The following STK31 variants were observed in gnomAD, a reference collection of about 807,000 sequenced individuals.
The protein encoded by STK31 is serine/threonine-protein kinase 31.
STK31 carries 89 observed loss-of-function variants against 129.7 expected under a neutral mutation model. That is an observed-to-expected ratio of 0.69 (90% CI 0.58 to 0.82). The LOEUF (loss-of-function observed/expected upper bound fraction) is 0.82, where lower values mean the gene tolerates loss of function less well. Among genes scored for constraint, STK31 ranks in the 40% least tolerant of loss-of-function variants. The pLI, the probability that STK31 is intolerant of heterozygous loss-of-function variation, is 0.00. For missense variants in STK31, 1,187 were observed against 1,176.4 expected (o/e 1.01, Z -0.13); for synonymous variants, 448 against 395.3 (o/e 1.13, Z -1.58).
At chr7:23,732,972 G>A (rs1001090176) in intron 6 of STK31, among the ~76,000 whole-genome samples, 1 of 152,236 alleles carries the variant, frequency 6.6e-6, no homozygotes, top group Admixed American at 6.5e-5. Flanking sequence ...TTTTGAGGTT[G>A]TTAGCTTTGC....
At chr7:23,784,314 A>G (rs1414814872) in intron 17 of STK31, among the ~76,000 whole-genome samples, 4 of 152,188 alleles carry the variant, frequency 2.6e-5, no homozygotes, top group African/African-American at 9.6e-5. Context: ...AATATGGTAC[A>G]GAGAGGGATA....
chr7:23,815,029 T>A (rs1203659907), intron 22 of STK31, 115 bp from the exon 23 acceptor site: 1 of 685,150 alleles, frequency 1.5e-6, no homozygotes, highest in Non-Finnish European at 2.3e-6. Flanking sequence ...GTTAATGTGC[T>A]TTCTTTAAGT....
At chr7:23,804,382 T>A (rs923577328) in intron 22 of STK31, among the ~76,000 whole-genome samples, 1 of 152,224 alleles carries the variant, frequency 6.6e-6, no homozygotes, top group Admixed American at 6.5e-5. Context: ...CTATCTTGTT[T>A]GCCACTATAT....
At chr7:23,771,187 A>G in intron 14 of STK31, 63 bp downstream of exon 14, 1 of 1,442,710 alleles carries the variant, frequency 6.9e-7, no homozygotes, top group South Asian at 1.6e-5. Context: ...CAGTACTTAA[A>G]TTTTTCTATT....
At chr7:23,793,607 C>T (rs1156860343) in intron 22 of STK31, among the ~76,000 whole-genome samples, 2 of 152,150 alleles carry the variant, frequency 1.3e-5, no homozygotes, top group African/African-American at 4.8e-5. Context: ...AGAAGGTGTC[C>T]ACATGGCATG....
At chr7:23,730,064 G>A (rs1787310778) in intron 6 of STK31, among the ~76,000 whole-genome samples, 1 of 152,076 alleles carries the variant, frequency 6.6e-6, no homozygotes, top group African/African-American at 2.4e-5. Context: ...TGAATTTTGG[G>A]TTGGTAACCT....
At chr7:23,738,659 C>T (rs1334586662) in intron 8 of STK31, among the ~76,000 whole-genome samples, 1 of 151,976 alleles carries the variant, frequency 6.6e-6, no homozygotes, top group Admixed American at 6.6e-5. Context: ...CAGGTTCAAG[C>T]GATTCTCCTG....
In STK31 at chr7:23,769,026, G is replaced by A. The variant is rs1232229930; in HGVS notation, c.1448G>A (p.Gly483Glu). ...DLSVSLEAVY[G>E]QAKEGANSDE... is the part of the protein sequence containing the mutation. ...TCAGTCTCTTTAGAAGCAGTGTATG[G>A]ACAAGCCAAAGAAGGAGCAAATTCT... is the stretch of plus-strand genomic sequence containing the variant. The change falls in exon 12 of 24, where the codon GGA (glycine) becomes GAA (glutamate). Residue 483 changes from glycine to glutamate, a missense_variant. Physicochemically the swap from Gly to Glu is moderately conservative, Grantham distance 98 (BLOSUM62 -2). Coordinates refer to ENST00000355870, the MANE Select transcript of STK31 (RefSeq NM_031414.5). 1.9e-6 allele frequency: 3 copies of A among 1,611,580 alleles called. No individual in the cohort carries two copies. The African/African-American group carries it at 4.0e-5, about 22-fold the overall frequency.
chr7:23,743,573 T>G (rs1316928408), intron 8 of STK31, among the ~76,000 whole-genome samples: 1 of 152,222 alleles, frequency 6.6e-6, no homozygotes, highest in Non-Finnish European at 1.5e-5. Context: ...TATCTTTGTC[T>G]TTGACTTTTG....
intron 5 of STK31, among the ~76,000 whole-genome samples, chr7:23,728,010 A>AATG (rs1324192358): frequency 5.3e-5 from 8 of 150,612 alleles, no homozygotes; most frequent in Non-Finnish European, 1.2e-4. Flanking sequence ...TGTTAATAAT[A>AATG]ATGATTGGCT....
At chr7:23,717,043 C>T (rs545402476) in intron 3 of STK31, among the ~76,000 whole-genome samples, 26 of 150,162 alleles carry the variant, frequency 1.7e-4, no homozygotes, top group African/African-American at 5.6e-4. Context: ...AAATGATCCT[C>T]CCACCTCGGC....
At position 23,757,820 on chromosome 7, in the gene STK31, T is replaced by G. The variant is rs1789192885; in HGVS notation, c.1293+3346T>G. Among the ~76,000 whole-genome samples the G allele has an allele frequency of 2.6e-5, 4 of 152,210 alleles. No homozygotes were observed. In the South Asian group the frequency reaches 8.3e-4, roughly 32 times the overall value. On this transcript the variant is annotated intron_variant, in intron 10 of 23. Coordinates refer to ENST00000355870, the MANE Select transcript of STK31 (RefSeq NM_031414.5). ...CTTCCCACGAAGCCGTATTTCAGAC[T>G]GTCACATGGGGAGAAACCTTGGACA...
At chr7:23,715,440 A>T (rs1189096869) in intron 3 of STK31, among the ~76,000 whole-genome samples, 1 of 132,066 alleles carries the variant, frequency 7.6e-6, no homozygotes, top group Non-Finnish European at 1.6e-5. Flanking sequence ...CAACAGTAAG[A>T]CCTTGTCGCT....
intron 8 of STK31, among the ~76,000 whole-genome samples, chr7:23,737,404 C>G (rs1367360942): frequency 6.6e-6 from 1 of 152,138 alleles, no homozygotes; most frequent in African/African-American, 2.4e-5. Context: ...CCAGTTTATA[C>G]AATTATAACA....
chr7:23,825,262 G>C (rs950732848), intron 23 of STK31, among the ~76,000 whole-genome samples: 48 of 152,234 alleles, frequency 3.2e-4, no homozygotes, highest in African/African-American at 1.0e-3. Context: ...GTTAATTATT[G>C]CCTCAATTTC....
At chr7:23,823,456 C>A (rs529511392) in intron 23 of STK31, among the ~76,000 whole-genome samples, 1 of 151,950 alleles carries the variant, frequency 6.6e-6, no homozygotes, top group East Asian at 1.9e-4. Flanking sequence ...TTGTTTTTTT[C>A]TTGTAAATTT....
intron 7 of STK31, among the ~76,000 whole-genome samples, chr7:23,736,580 A>C (rs1787729354): frequency 3.7e-5 from 2 of 54,218 alleles, no homozygotes; most frequent in East Asian, 5.5e-4. Context: ...GGACGGGGGG[A>C]TCACGGGGGG....
intron 22 of STK31, among the ~76,000 whole-genome samples, chr7:23,807,579 T>C (rs1293562538): frequency 1.3e-5 from 2 of 152,214 alleles, no homozygotes; most frequent in Non-Finnish European, 2.9e-5. Context: ...TGTGGGCTTA[T>C]GTTTTTCAAC....
rs185558192 is a variant in STK31, at chr7:23,805,012, A to C, written c.2761-10132A>C. On this transcript the variant is annotated intron_variant, in intron 22 of 23. Coordinates refer to ENST00000355870, the MANE Select transcript of STK31 (RefSeq NM_031414.5). ...TCTTCTGTTTAGTCTTTTTGGAAAAAACTCAATTTTAGATAAGCTATGGCC... is the reference window on the plus strand; with the variant it reads ...TCTTCTGTTTAGTCTTTTTGGAAAACACTCAATTTTAGATAAGCTATGGCC... 8.2e-4 allele frequency among the ~76,000 whole-genome samples: 124 copies of C among 152,110 alleles called. 1 individual carries two copies. Among genetic ancestry groups the C allele is most frequent in the Admixed American group, 6.9e-3 (105 of 15,274 alleles).
Sources: gnomAD v4.1 joint callset for allele counts (sites outside exome capture counted in the v4.1 genomes callset) on GRCh38, gnomAD v4.1.1 for gene constraint, MANE v1.5 for transcripts, NCBI Gene and HGNC (gene_info 2026-07-23, HGNC 2026-07-21) for gene names.